The following ERI3 variants were observed in gnomAD, a reference collection of about 807,000 sequenced individuals.
The protein encoded by ERI3 is ERI1 exoribonuclease 3.
ERI3 carries 18 observed loss-of-function variants against 44.4 expected under a neutral mutation model. That is an observed-to-expected ratio of 0.41 (90% confidence interval 0.28 to 0.60). The LOEUF (loss-of-function observed/expected upper bound fraction) is 0.60. Ranked by LOEUF, ERI3 falls within the 20% of genes least tolerant of loss-of-function variation. ERI3 has a pLI of 0.36. For synonymous variants in ERI3, 183 were observed against 164.8 expected, an observed-to-expected ratio of 1.11 and a Z score of -0.84; for missense variants, 294 against 435.5, an observed-to-expected ratio of 0.68 and a Z score of 2.89.
chr1:44,275,251 A>G (rs1645159518), intron 7 of ERI3, among the ~76,000 whole-genome samples: 1 of 152,028 alleles, frequency 6.6e-6, no homozygotes, highest in African/African-American at 2.4e-5. Context: ...ATAGAGTCCT[A>G]GCTTCTGTAG....
At position 44,322,306 on chromosome 1, in the gene ERI3, G is replaced by A. The variant is rs540269659; in HGVS notation, c.490-2562C>T. Among the ~76,000 whole-genome samples the A allele has an allele frequency of 2.0e-5, 3 of 151,854 alleles. No individual in the cohort carries two copies. In the East Asian group the frequency reaches 5.8e-4, roughly 30 times the overall value. ...CTGATGTTAGCTTCCTCACCCATAG[G>A]GAAATGGGGCCAACTACGTGCTGAA... On this transcript the variant is annotated intron_variant, in intron 3 of 8. Transcript: ENST00000372257.
At chr1:44,354,710 C>G (rs1187166798) in intron 1 of ERI3, 182 bp downstream of exon 1, 1 of 985,324 alleles carries the variant, frequency 1.0e-6, no homozygotes, top group Non-Finnish European at 1.2e-6. Context: ...CTCACCCATC[C>G]TGTCTTGCAA....
chr1:44,231,026 C>A (rs142482893), intron 8 of ERI3, among the ~76,000 whole-genome samples: 18 of 152,262 alleles, frequency 1.2e-4, no homozygotes, highest in African/African-American at 4.3e-4. Flanking sequence ...CATGAGATAT[C>A]TTGGGGATGG....
intron 5 of ERI3, among the ~76,000 whole-genome samples, chr1:44,312,518 G>A (rs1433240675): frequency 6.6e-6 from 1 of 152,060 alleles, no homozygotes; most frequent in Non-Finnish European, 1.5e-5. Flanking sequence ...AGCTCCCCGA[G>A]GAGAACATCC....
At chr1:44,324,392 A>G (rs1465619406) in intron 3 of ERI3, among the ~76,000 whole-genome samples, 2 of 151,612 alleles carry the variant, frequency 1.3e-5, no homozygotes, top group African/African-American at 4.9e-5. Flanking sequence ...TCCCTGAACT[A>G]CTATAAACCA....
intron 8 of ERI3, among the ~76,000 whole-genome samples, chr1:44,233,473 G>A (rs988023656): frequency 1.5e-4 from 22 of 150,136 alleles, no homozygotes; most frequent in African/African-American, 9.8e-5. Flanking sequence ...GTACGGTCTC[G>A]GCTCACTGCA....
At position 44,352,941 on chromosome 1, in the gene ERI3, C is replaced by T. The variant is rs966499114; in HGVS notation, c.136-16G>A. 1 of 1,613,880 alleles carries T rather than the reference C, an allele frequency of 6.2e-7. No homozygotes were observed. Among genetic ancestry groups the T allele is most frequent in the Non-Finnish European group, 8.5e-7 (1 of 1,179,952 alleles). On this transcript the variant is annotated splice_polypyrimidine_tract_variant and intron_variant, in intron 1 of 8. Transcript: ENST00000372257. ...AGCCCCAATGCTGTGGATAAATACA[C>T]ATCTCTGCAACAAGTCTATTTCAAT...
intron 7 of ERI3, among the ~76,000 whole-genome samples, chr1:44,280,444 A>G (rs1295524196): frequency 6.6e-6 from 1 of 152,126 alleles, no homozygotes; most frequent in Admixed American, 6.5e-5. Flanking sequence ...AAACAGCCTA[A>G]TTCTGTGGTT....
chr1:44,264,132 T>C (rs529939913), intron 7 of ERI3, among the ~76,000 whole-genome samples: 9 of 152,252 alleles, frequency 5.9e-5, no homozygotes, highest in Non-Finnish European at 1.0e-4. Flanking sequence ...CAAAGCGAAA[T>C]CATTTACTCT....
At position 44,313,356 on chromosome 1, in the gene ERI3, T is replaced by G; in HGVS notation, c.607-128A>C. 2 of 781,284 alleles carry G rather than the reference T, an allele frequency of 2.6e-6. 1 individual carries two copies. The highest frequency in any genetic ancestry group is 3.3e-5 in the South Asian group (2 of 60,082). The allele number at this position is 781,284 out of a possible 1,614,324, so 48.4% of individuals were successfully genotyped here. A position where few individuals can be genotyped will look rare whatever the true frequency, so the allele number is the denominator to read the frequency against. On this transcript the variant is annotated intron_variant, in intron 4 of 8. Coordinates refer to ENST00000372257, the MANE Select transcript of ERI3 (RefSeq NM_024066.3). ...GGCTCTGATCTGGCACTGCTTTAGG[T>G]TCAGAGCCCACCTAGAAGACTTGGG...
intron 7 of ERI3, among the ~76,000 whole-genome samples, chr1:44,265,567 A>G (rs1196300638): frequency 3.3e-5 from 5 of 152,224 alleles, no homozygotes; most frequent in African/African-American, 1.2e-4. Context: ...TAAAAAGGCA[A>G]AAATGACAAA....
intron 6 of ERI3, among the ~76,000 whole-genome samples, chr1:44,293,531 G>A (rs1050436786): frequency 2.0e-5 from 3 of 152,228 alleles, no homozygotes; most frequent in African/African-American, 7.2e-5. Context: ...TACAGGTCAT[G>A]CTTCCAGATC....
Position 44,339,249 on chromosome 1 carries a change from A to G in ERI3, c.285T>C (p.Leu95=). The change falls in exon 3 of 9, where the codon CTT becomes CTC. Residue 95 remains leucine, a synonymous_variant. Coordinates refer to ENST00000372257, the MANE Select transcript of ERI3 (RefSeq NM_024066.3). ...AGCCCAGCACTTTTCTTGCTCTTGA[A>G]AGTAAATACGAAGAAAATCGAGCTG... ...TGAARFSSYL[L]SRARKVLGSH... 6.2e-7 allele frequency: 1 copy of G among 1,613,910 alleles called. No individual in the cohort carries two copies. Among genetic ancestry groups the G allele is most frequent in the Non-Finnish European group, 8.5e-7 (1 of 1,179,968 alleles).
intron 8 of ERI3, among the ~76,000 whole-genome samples, chr1:44,247,483 C>A (rs758780825): frequency 3.3e-5 from 5 of 152,174 alleles, no homozygotes; most frequent in Non-Finnish European, 7.3e-5. Flanking sequence ...GTCAGAAGGA[C>A]CCCGACTAAT....
At chr1:44,298,947 G>A (rs999982796) in intron 6 of ERI3, among the ~76,000 whole-genome samples, 4 of 152,118 alleles carry the variant, frequency 2.6e-5, no homozygotes, top group East Asian at 1.9e-4. Context: ...CCATTTATAC[G>A]AAAGCCAACA....
intron 5 of ERI3, among the ~76,000 whole-genome samples, chr1:44,311,500 C>T (rs192022628): frequency 1.3e-5 from 2 of 152,238 alleles, no homozygotes; most frequent in Non-Finnish European, 2.9e-5. Flanking sequence ...AGGAATTTTC[C>T]CTCCTTACCC....
At chr1:44,337,250 G>A (rs932021955) in intron 3 of ERI3, among the ~76,000 whole-genome samples, 5 of 152,182 alleles carry the variant, frequency 3.3e-5, no homozygotes, top group African/African-American at 9.7e-5. Context: ...GGTGCCAAGC[G>A]ATTATGAGGG....
intron 8 of ERI3, among the ~76,000 whole-genome samples, chr1:44,243,195 T>A (rs1557778589): frequency 6.6e-6 from 1 of 152,196 alleles, no homozygotes; most frequent in Admixed American, 6.5e-5. Flanking sequence ...GGTAGCAAGC[T>A]CTTGAGAGTC....
intron 2 of ERI3, among the ~76,000 whole-genome samples, chr1:44,350,282 GA>G (rs1329372902): frequency 6.8e-6 from 1 of 147,736 alleles, no homozygotes; most frequent in Non-Finnish European, 1.5e-5. Flanking sequence ...TTTTTTTTGA[GA>G]CAGAGTCTCG....
Sources: allele counts gnomAD v4.1 joint callset (sites outside exome capture counted in the v4.1 genomes callset), GRCh38; gene constraint gnomAD v4.1.1; transcripts MANE v1.5; gene names NCBI Gene and HGNC (gene_info 2026-07-23, HGNC 2026-07-21).